The following BLK variants were observed in gnomAD, a reference collection of about 807,000 sequenced individuals.
The protein encoded by BLK is tyrosine-protein kinase Blk.
Under a neutral mutation model 61.8 loss-of-function variants are expected in BLK, and 64 were observed. The ratio of observed to expected loss-of-function variants is 1.03; its 90% CI spans 0.85 to 1.27. BLK has a LOEUF of 1.27. Among genes scored for constraint, BLK ranks in the 50% most tolerant of loss-of-function variants. BLK has a pLI of 0.00. For synonymous variants in BLK, 351 were observed against 272.0 expected, an observed-to-expected ratio of 1.29 and a Z score of -2.86; for missense variants, 853 against 660.5, an observed-to-expected ratio of 1.29 and a Z score of -3.19.
intron 1 of BLK, among the ~76,000 whole-genome samples, chr8:11,533,591 A>AGGAGGAGGG (rs1799985652): frequency 8.1e-6 from 1 of 123,060 alleles, no homozygotes; most frequent in Non-Finnish European, 1.7e-5. Flanking sequence ...CCGGAGGAGG[A>AGGAGGAGGG]GGAGGAGGAG....
intron 3 of BLK, 116 bp downstream of exon 3, chr8:11,546,219 C>T (rs575965796): frequency 3.4e-5 from 44 of 1,297,462 alleles, no homozygotes; most frequent in Admixed American, 2.4e-4. Flanking sequence ...GAAGAGAAAA[C>T]GGGGAAGCTG....
intron 6 of BLK, 68 bp downstream of exon 6, chr8:11,550,330 G>A (rs771805021): frequency 3.2e-5 from 46 of 1,450,200 alleles, no homozygotes; most frequent in Middle Eastern, 2.3e-4. Context: ...CAGAGGCCTG[G>A]CCCTGGAGTG....
At chr8:11,562,410 C>T (rs1007430377) in intron 11 of BLK, among the ~76,000 whole-genome samples, 28 of 152,106 alleles carry the variant, frequency 1.8e-4, no homozygotes, top group Non-Finnish European at 3.5e-4. Flanking sequence ...CTGGGGAGAC[C>T]GAGAAATGGA....
At chr8:11,500,863 T>C (rs1429054088) in intron 1 of BLK, among the ~76,000 whole-genome samples, 1 of 152,242 alleles carries the variant, frequency 6.6e-6, no homozygotes, top group African/African-American at 2.4e-5. Flanking sequence ...AAGATTCTTT[T>C]ATTCCTGCCA....
In BLK at chr8:11,564,004, T is replaced by C; in HGVS notation, c.1414T>C (p.Cys472Arg). ...GCTGTACCGCGGCGTCATCGCCGAG[T>C]GCTGGCGCAGCCGGCCCGAGGAGCG... ...PELYRGVIAE[C>R]WRSRPEERPT... The change falls in exon 13 of 13, where the codon TGC (cysteine) becomes CGC (arginine). Residue 472 changes from cysteine (C) to arginine (R), a missense_variant. By Grantham distance (180) the Cys-to-Arg change is radical (BLOSUM62 -3). Coordinates refer to ENST00000259089, the MANE Select transcript of BLK (RefSeq NM_001715.3). The C allele has an allele frequency of 1.2e-6, 2 of 1,605,668 alleles. No homozygotes were observed. The highest frequency in any genetic ancestry group is 1.7e-6 in the Non-Finnish European group (2 of 1,179,206).
At chr8:11,555,790 T>C (rs1309294902) in intron 8 of BLK, 1 of 446,612 alleles carries the variant, frequency 2.2e-6, no homozygotes, top group Non-Finnish European at 4.2e-6. Flanking sequence ...AGCGGCGCGT[T>C]AACTCCCCTT....
intron 2 of BLK, among the ~76,000 whole-genome samples, chr8:11,545,318 G>A (rs1395380299): frequency 2.0e-5 from 3 of 152,220 alleles, no homozygotes; most frequent in Admixed American, 6.5e-5. Context: ...GGAGGCCGAG[G>A]TGGGAGGATC....
At chr8:11,547,374 T>C (rs1800693061) in intron 3 of BLK, among the ~76,000 whole-genome samples, 1 of 152,224 alleles carries the variant, frequency 6.6e-6, no homozygotes, top group African/African-American at 2.4e-5. Flanking sequence ...CTTCATCAGG[T>C]GGGTCCTGTG....
At chr8:11,536,349 T>C (rs890164275) in intron 1 of BLK, among the ~76,000 whole-genome samples, 5 of 152,190 alleles carry the variant, frequency 3.3e-5, no homozygotes, top group Non-Finnish European at 7.3e-5. Flanking sequence ...AATTATTGAA[T>C]GTGGGTGATG....
chr8:11,559,398 C>CAG (rs797022436), intron 10 of BLK, among the ~76,000 whole-genome samples: 80 of 151,490 alleles, frequency 5.3e-4, no homozygotes, highest in African/African-American at 1.7e-3. Flanking sequence ...CACAGACAGA[C>CAG]ACACACACAG....
intron 1 of BLK, among the ~76,000 whole-genome samples, chr8:11,498,708 C>A (rs1798446795): frequency 6.6e-6 from 1 of 152,168 alleles, no homozygotes; most frequent in Non-Finnish European, 1.5e-5. Flanking sequence ...AATAGTTTGA[C>A]CCCACTGTAT....
At chr8:11,513,103 T>A (rs1799082200) in intron 1 of BLK, among the ~76,000 whole-genome samples, 1 of 152,194 alleles carries the variant, frequency 6.6e-6, no homozygotes, top group African/African-American at 2.4e-5. Context: ...CTTTTCTTGT[T>A]TTATCCTCCT....
intron 1 of BLK, among the ~76,000 whole-genome samples, chr8:11,508,989 G>A (rs542138280): frequency 6.6e-5 from 10 of 152,280 alleles, no homozygotes; most frequent in South Asian, 2.1e-4. Context: ...AAGGGAGGTC[G>A]TTAGCAGCCC....
intron 1 of BLK, among the ~76,000 whole-genome samples, chr8:11,533,099 C>A (rs531800248): frequency 0.33 from 1,427 of 4,272 alleles, 18 homozygotes; most frequent in African/African-American, 0.35. Flanking sequence ...CATTAGTATT[C>A]ATGTTTTATG....
At chr8:11,522,455 C>A (rs1336878927) in intron 1 of BLK, among the ~76,000 whole-genome samples, 3 of 152,004 alleles carry the variant, frequency 2.0e-5, no homozygotes, top group East Asian at 3.8e-4. Context: ...GTTTTGGGAA[C>A]CCATAGTGCC....
chr8:11,507,783 A>C (rs1057453745), intron 1 of BLK, among the ~76,000 whole-genome samples: 6 of 152,302 alleles, frequency 3.9e-5, no homozygotes, highest in Admixed American at 6.5e-5. Context: ...ACCTGAGGCC[A>C]GGAGAGCAGG....
At chr8:11,543,082 T>C (rs1800459497) in intron 1 of BLK, 142 bp from the exon 2 acceptor site, 1 of 1,312,528 alleles carries the variant, frequency 7.6e-7, no homozygotes, top group Admixed American at 2.0e-5. Context: ...TCTACCCACG[T>C]TCTGACTTTG....
chr8:11,503,900 G>A (rs1055237091), intron 1 of BLK, among the ~76,000 whole-genome samples: 1 of 152,168 alleles, frequency 6.6e-6, no homozygotes. Flanking sequence ...CCAGACAAGT[G>A]TCCTGTGGGA....
intron 1 of BLK, among the ~76,000 whole-genome samples, chr8:11,502,896 T>C (rs1028549235): frequency 3.9e-5 from 6 of 152,156 alleles, no homozygotes; most frequent in African/African-American, 1.4e-4. Context: ...TGGGCCTGGA[T>C]GGAGAACCTG....
Sources: allele counts gnomAD v4.1 joint callset (sites outside exome capture counted in the v4.1 genomes callset), GRCh38; gene constraint gnomAD v4.1.1; transcripts MANE v1.5; gene names NCBI Gene and HGNC (gene_info 2026-07-23, HGNC 2026-07-21).